The following PIK3AP1 variants were observed in gnomAD, a reference collection of about 807,000 sequenced individuals.
The protein encoded by PIK3AP1 is phosphoinositide 3-kinase adapter protein 1.
In PIK3AP1, 21 loss-of-function variants were observed where a neutral mutation model predicts 88.1. That is an observed-to-expected ratio of 0.24 (90% confidence interval 0.17 to 0.34). The LOEUF (loss-of-function observed/expected upper bound fraction) is 0.34. Among genes scored for constraint, PIK3AP1 ranks in the 10% least tolerant of loss-of-function variants. The probability of loss-of-function intolerance (pLI) is 1.00; values close to 1 mark genes in which losing one functional copy is unlikely to be tolerated. For synonymous variants in PIK3AP1, 398 were observed against 400.0 expected (o/e 1.00, Z 0.06); for missense variants, 828 against 1,035.7 (o/e 0.80, Z 2.75).
rs1844554846 is a variant in PIK3AP1, at chr10:96,720,312, G to A, written c.13+70C>T. 1 of 1,231,270 alleles carries A rather than the reference G, an allele frequency of 8.1e-7. No homozygotes were observed. 76.3% of individuals were successfully genotyped at this position (1,231,270 alleles called of 1,614,324 possible). A position where few individuals can be genotyped will look rare whatever the true frequency, so the allele number is the denominator to read the frequency against. Reference sequence around the variant, plus strand: ...CGCAAACAGAAGCAAGCGGGGGAGCGCGCCTCAAGGGATGCGGGGTACGAG... The same window carrying A: ...CGCAAACAGAAGCAAGCGGGGGAGCACGCCTCAAGGGATGCGGGGTACGAG... On this transcript the variant is annotated intron_variant, in intron 1 of 16. Coordinates refer to ENST00000339364, the MANE Select transcript of PIK3AP1 (RefSeq NM_152309.3). This position sits in a 1 kb window ranked among gnomAD's most constrained non-coding sequence, Gnocchi z 4.6.
chr10:96,716,176 G>A (rs1219825488), intron 1 of PIK3AP1, among the ~76,000 whole-genome samples: 2 of 152,104 alleles, frequency 1.3e-5, no homozygotes, highest in African/African-American at 4.8e-5. Context: ...CAGCTACTCA[G>A]GAGGCTGAGC....
intron 2 of PIK3AP1, among the ~76,000 whole-genome samples, chr10:96,700,560 A>G (rs1333400322): frequency 6.6e-6 from 1 of 152,198 alleles, no homozygotes; most frequent in Non-Finnish European, 1.5e-5. Context: ...AATCAAAAAG[A>G]TCATTTCAAA....
At chr10:96,627,948 C>T (rs1843176101) in intron 9 of PIK3AP1, among the ~76,000 whole-genome samples, 1 of 152,176 alleles carries the variant, frequency 6.6e-6, no homozygotes, top group Admixed American at 6.5e-5. Flanking sequence ...GTTAATCTTC[C>T]TAACCACTAT....
intron 7 of PIK3AP1, among the ~76,000 whole-genome samples, chr10:96,646,494 A>G (rs1007927512): frequency 6.6e-6 from 1 of 152,192 alleles, no homozygotes; most frequent in African/African-American, 2.4e-5. Context: ...CCAAAGGGAA[A>G]AAAATGACAC....
intron 2 of PIK3AP1, among the ~76,000 whole-genome samples, chr10:96,705,373 G>C (rs184899062): frequency 6.6e-6 from 1 of 152,096 alleles, no homozygotes; most frequent in Admixed American, 6.6e-5. Context: ...TTTACAGCAC[G>C]TCTGCAGTAT....
chr10:96,639,239 C>T (rs1843353711), intron 8 of PIK3AP1, among the ~76,000 whole-genome samples: 1 of 152,190 alleles, frequency 6.6e-6, no homozygotes, highest in Non-Finnish European at 1.5e-5. Flanking sequence ...TACTGACACA[C>T]TATTCCACCC....
chr10:96,660,155 A>G (rs1019210639), intron 2 of PIK3AP1, among the ~76,000 whole-genome samples: 1 of 152,138 alleles, frequency 6.6e-6, no homozygotes, highest in Non-Finnish European at 1.5e-5. Flanking sequence ...TGCGAAAGAC[A>G]TTGTCAAAAG....
chr10:96,622,465 G>T (rs2134203420), intron 11 of PIK3AP1, among the ~76,000 whole-genome samples: 1 of 152,252 alleles, frequency 6.6e-6, no homozygotes, highest in Admixed American at 6.5e-5. Context: ...GACATAACAT[G>T]AAGAAAAAAG....
intron 8 of PIK3AP1, chr10:96,632,807 C>T (rs1306712377): frequency 2.0e-5 from 30 of 1,527,444 alleles, no homozygotes; most frequent in Non-Finnish European, 2.6e-5. Context: ...GTGTTTTTCC[C>T]ACTTCTGGCT....
At chr10:96,629,371 G>A (rs778866436) in intron 8 of PIK3AP1, among the ~76,000 whole-genome samples, 44 of 152,036 alleles carry the variant, frequency 2.9e-4, no homozygotes, top group Admixed American at 1.2e-3. Context: ...ACTGGATTCC[G>A]GAGGGGGTTA....
At chr10:96,662,498 G>C (rs754065802) in intron 2 of PIK3AP1, among the ~76,000 whole-genome samples, 1 of 151,860 alleles carries the variant, frequency 6.6e-6, no homozygotes, top group Non-Finnish European at 1.5e-5. Context: ...AACTACTCAA[G>C]AGGCTGAGGC....
At chr10:96,702,765 G>C (rs1844315337) in intron 2 of PIK3AP1, among the ~76,000 whole-genome samples, 1 of 151,996 alleles carries the variant, frequency 6.6e-6, no homozygotes. Flanking sequence ...ATTTTTATTT[G>C]TCAAGTATAC....
chr10:96,603,953 A>G, intron 15 of PIK3AP1, 26 bp downstream of exon 15: 3 of 1,558,320 alleles, frequency 1.9e-6, no homozygotes, highest in Non-Finnish European at 2.6e-6. Context: ...AGGACAGGAT[A>G]GGTGGGGTGG....
intron 1 of PIK3AP1, among the ~76,000 whole-genome samples, chr10:96,713,237 C>T (rs1346839925): frequency 2.6e-5 from 4 of 151,886 alleles, no homozygotes; most frequent in East Asian, 3.9e-4. Flanking sequence ...GTGGGTCACA[C>T]CTGTAATCCC....
chr10:96,623,105 G>T (rs1474694689), intron 11 of PIK3AP1, among the ~76,000 whole-genome samples: 1 of 152,034 alleles, frequency 6.6e-6, no homozygotes, highest in East Asian at 1.9e-4. Context: ...CAGCATTGTA[G>T]GGGACCCTGA....
At chr10:96,626,303 T>G (rs1156347469) in intron 10 of PIK3AP1, among the ~76,000 whole-genome samples, 1 of 152,204 alleles carries the variant, frequency 6.6e-6, no homozygotes, top group East Asian at 1.9e-4. Context: ...TTTCCTCATC[T>G]GTAAAATGAG....
At chr10:96,710,539 C>T (rs897013956) in intron 1 of PIK3AP1, among the ~76,000 whole-genome samples, 1 of 152,126 alleles carries the variant, frequency 6.6e-6, no homozygotes, top group African/African-American at 2.4e-5. Flanking sequence ...GTTTTAGATC[C>T]TTGCACGAGC....
At chr10:96,711,645 C>T (rs1165940485) in intron 1 of PIK3AP1, among the ~76,000 whole-genome samples, 8 of 152,050 alleles carry the variant, frequency 5.3e-5, no homozygotes, top group Non-Finnish European at 1.2e-4. Flanking sequence ...TCTTGCCTGC[C>T]CCCATCCAAT....
chr10:96,664,966 T>C (rs1843741953), intron 2 of PIK3AP1, among the ~76,000 whole-genome samples: 1 of 152,126 alleles, frequency 6.6e-6, no homozygotes, highest in East Asian at 1.9e-4. Flanking sequence ...CAGAGTGGGG[T>C]GGTCTCAGAC....
Sources: allele counts gnomAD v4.1 joint callset (sites outside exome capture counted in the v4.1 genomes callset), GRCh38; gene constraint gnomAD v4.1.1; non-coding constraint Gnocchi (gnomAD v3.1); transcripts MANE v1.5; gene names NCBI Gene and HGNC (gene_info 2026-07-23, HGNC 2026-07-21).